SLC44A3: variants seen among roughly 807,000 people sequenced by gnomAD.
The protein encoded by SLC44A3 is choline transporter-like protein 3.
Under a neutral mutation model 75.4 loss-of-function variants are expected in SLC44A3, and 74 were observed. The observed-to-expected ratio is 0.98, with a 90% CI of 0.81 to 1.19. The LOEUF is 1.19. Among genes scored for constraint, SLC44A3 ranks in the 50% most tolerant of loss-of-function variants. The pLI, the probability that SLC44A3 is intolerant of heterozygous loss-of-function variation, is 0.00. For missense variants in SLC44A3, 700 were observed against 778.6 expected (o/e 0.90, Z 1.20); for synonymous variants, 310 against 296.9 (o/e 1.04, Z -0.45).
Position 94,857,415 on chromosome 1 carries a change from A to G in SLC44A3, c.1153A>G (p.Ile385Val), listed in dbSNP as rs1364829541. 1.2e-6 allele frequency: 2 copies of G among 1,614,066 alleles called. No individual in the cohort carries two copies. The highest frequency in any genetic ancestry group is 2.2e-5 in the South Asian group (2 of 91,084). ...GIRYMWSYHL[I>V]GLIWTSEFIL... is the part of the protein sequence containing the mutation. ...TCGGTACATGTGGTCGTACCATTTA[A>G]TTGGCCTCATCTGGACTAGTGAATT... The change falls in exon 10 of 15, where the codon ATT (isoleucine) becomes GTT (valine). Residue 385 changes from isoleucine (I) to valine (V), a missense_variant. By Grantham distance (29) the Ile-to-Val change is conservative. Transcript: ENST00000271227.
chr1:94,829,140 G>A (rs572248426), intron 5 of SLC44A3, among the ~76,000 whole-genome samples: 11 of 151,920 alleles, frequency 7.2e-5, no homozygotes, highest in Non-Finnish European at 1.5e-4. Context: ...AAAATTAGCC[G>A]GGTGTGGTGG....
chr1:94,891,190 T>C lies in SLC44A3; in HGVS notation c.1543T>C (p.Phe515Leu), dbSNP rs575071849. 3.7e-6 allele frequency: 6 copies of C among 1,613,620 alleles called. No homozygotes were observed. In the African/African-American group the frequency reaches 5.3e-5, roughly 14 times the overall value. The change falls in exon 13 of 15, where the codon TTC (phenylalanine) becomes CTC (leucine). Residue 515 changes from phenylalanine to leucine, a missense_variant. Coordinates refer to ENST00000271227, the MANE Select transcript of SLC44A3 (RefSeq NM_001114106.3). ...TTTCTGTACATCAGCAAAAGATGCA[T>C]TCAAAATCTTGTCCAAGAACTCAAG... ...TDFCTSAKDA[F>L]KILSKNSSHF... is the part of the protein sequence containing the mutation.
intron 2 of SLC44A3, among the ~76,000 whole-genome samples, chr1:94,821,457 C>T (rs1352603975): frequency 6.6e-6 from 1 of 152,214 alleles, no homozygotes; most frequent in Non-Finnish European, 1.5e-5. Context: ...TAGAAATAAA[C>T]TGCATTTCCT....
Position 94,857,479 on chromosome 1 carries a change from T to G in SLC44A3, c.1217T>G (p.Val406Gly). The part of the protein sequence containing the change: ...ACQQMTIAGA[V>G]VTCYFNRSKN... ...CAGCAAATGACTATAGCTGGGGCAG[T>G]GGTTACTTGTTATTTCAACAGGTAG... Residue 406 changes from valine (V) to glycine (G), a missense_variant, in exon 10 of 15, where the codon GTG (valine) becomes GGG (glycine). Physicochemically the swap from Val to Gly is moderately radical, Grantham distance 109 (BLOSUM62 -3). Coordinates refer to ENST00000271227, the MANE Select transcript of SLC44A3 (RefSeq NM_001114106.3). 1 of 1,612,136 alleles carries G rather than the reference T, an allele frequency of 6.2e-7. No homozygotes were observed. Among genetic ancestry groups the G allele is most frequent in the Non-Finnish European group, 8.5e-7 (1 of 1,179,526 alleles).
intron 12 of SLC44A3, among the ~76,000 whole-genome samples, chr1:94,872,422 T>A (rs1056457332): frequency 1.3e-4 from 20 of 152,002 alleles, no homozygotes; most frequent in African/African-American, 3.9e-4. Context: ...TTTTTTTTTT[T>A]AAATCACTTT....
chr1:94,836,595 T>C (rs577396738), intron 5 of SLC44A3, among the ~76,000 whole-genome samples: 1 of 152,282 alleles, frequency 6.6e-6, no homozygotes, highest in East Asian at 1.9e-4. Flanking sequence ...AGTTTGTGTC[T>C]AAGAAGGGCT....
intron 2 of SLC44A3, among the ~76,000 whole-genome samples, chr1:94,822,382 C>T (rs1328869070): frequency 2.0e-5 from 3 of 152,242 alleles, no homozygotes; most frequent in Non-Finnish European, 4.4e-5. Context: ...CTCACTATGG[C>T]ATTCTGTTTT....
intron 6 of SLC44A3, 46 bp downstream of exon 6, chr1:94,837,917 A>G: frequency 4.0e-6 from 6 of 1,484,016 alleles, no homozygotes; most frequent in Non-Finnish European, 5.4e-6. Context: ...ATGGAATGCC[A>G]AAGTTCCTAG....
intron 5 of SLC44A3, among the ~76,000 whole-genome samples, chr1:94,829,993 A>C (rs1053538735): frequency 5.3e-5 from 8 of 152,218 alleles, no homozygotes; most frequent in Admixed American, 4.6e-4. Context: ...TTTTAAAAAT[A>C]ATGTATTTCA....
intron 9 of SLC44A3, among the ~76,000 whole-genome samples, chr1:94,848,954 G>A (rs1036018676): frequency 1.1e-4 from 16 of 152,068 alleles, no homozygotes; most frequent in African/African-American, 2.9e-4. Context: ...CACAAGGAGA[G>A]GACCTGGCCA....
intron 11 of SLC44A3, among the ~76,000 whole-genome samples, chr1:94,866,389 C>G (rs1258375661): frequency 6.6e-6 from 1 of 152,138 alleles, no homozygotes; most frequent in Non-Finnish European, 1.5e-5. Context: ...TTCCCAGATC[C>G]CACAAGGACC....
At chr1:94,839,917 T>G in intron 6 of SLC44A3, 31 bp from the exon 7 acceptor site, 21 of 1,524,256 alleles carry the variant, frequency 1.4e-5, no homozygotes, top group Non-Finnish European at 1.8e-5. Flanking sequence ...TTGTTGCTAT[T>G]GAGGTTTATG....
chr1:94,834,464 T>C (rs1335514143), intron 5 of SLC44A3, among the ~76,000 whole-genome samples: 2 of 152,114 alleles, frequency 1.3e-5, no homozygotes, highest in African/African-American at 4.8e-5. Context: ...AATAAATAAA[T>C]AAATGGGGGG....
intron 10 of SLC44A3, among the ~76,000 whole-genome samples, chr1:94,861,517 A>T (rs1666569791): frequency 6.6e-6 from 1 of 151,942 alleles, no homozygotes; most frequent in East Asian, 1.9e-4. Context: ...TACTTTGATT[A>T]AAAAAAATTA....
At chr1:94,832,633 C>G (rs937524321) in intron 5 of SLC44A3, among the ~76,000 whole-genome samples, 4 of 152,270 alleles carry the variant, frequency 2.6e-5, no homozygotes, top group Non-Finnish European at 5.9e-5. Context: ...GTAATACATA[C>G]TGAGTCACTT....
chr1:94,842,181 A>G, intron 8 of SLC44A3, 57 bp downstream of exon 8: 3 of 1,509,406 alleles, frequency 2.0e-6, no homozygotes, highest in Non-Finnish European at 2.6e-6. Flanking sequence ...CTGAAATCCA[A>G]ATCATTGAAT....
In SLC44A3 at chr1:94,864,014, C is replaced by T. The variant is rs145430786; in HGVS notation, c.1239-729C>T. Among the ~76,000 whole-genome samples, 46 of 152,322 alleles carry T rather than the reference C, an allele frequency of 3.0e-4. 1 individual carries two copies. In the East Asian group the frequency reaches 7.1e-3, roughly 24 times the overall value. The stretch of plus-strand genomic sequence containing the variant: ...TTCAGCGGGAATTCAAAGGGTCACC[C>T]GTGGGGTGGCATCAGCCCCCACTCC... On this transcript the variant is annotated intron_variant, in intron 10 of 14. Transcript: ENST00000271227.
At chr1:94,823,044 A>G (rs1660827382) in intron 2 of SLC44A3, among the ~76,000 whole-genome samples, 1 of 152,098 alleles carries the variant, frequency 6.6e-6, no homozygotes, top group Non-Finnish European at 1.5e-5. Flanking sequence ...ATTAGGAGGG[A>G]CTCAGGAATC....
In SLC44A3 at chr1:94,824,637, T is replaced by G; in HGVS notation, c.278+2T>G. ...AGGGCAGGACATGACCCTAAAAAAGTAAGTATCTAAATAAGTCCCCAGTCT... is the reference window on the plus strand; with the variant it reads ...AGGGCAGGACATGACCCTAAAAAAGGAAGTATCTAAATAAGTCCCCAGTCT... On this transcript the variant is annotated splice_donor_variant, in intron 3 of 14. Transcript: ENST00000271227. LOFTEE classifies it high-confidence loss of function. 6.4e-7 allele frequency: 1 copy of G among 1,574,176 alleles called. No homozygotes were observed. Among genetic ancestry groups the G allele is most frequent in the Non-Finnish European group, 8.6e-7 (1 of 1,165,694 alleles).
Sources: gnomAD v4.1 joint callset for allele counts (sites outside exome capture counted in the v4.1 genomes callset) on GRCh38, gnomAD v4.1.1 for gene constraint, MANE v1.5 for transcripts, NCBI Gene and HGNC (gene_info 2026-07-23, HGNC 2026-07-21) for gene names.